The following THRAP3 variants were observed in gnomAD, a reference collection of about 807,000 sequenced individuals.
THRAP3 encodes thyroid hormone receptor-associated protein 3.
THRAP3 carries 16 observed loss-of-function variants against 101.0 expected under a neutral mutation model. The ratio of observed to expected loss-of-function variants is 0.16; its 90% CI spans 0.11 to 0.24. The LOEUF (loss-of-function observed/expected upper bound fraction) is 0.24. Ranked by LOEUF, THRAP3 falls within the 10% of genes least tolerant of loss-of-function variation. The pLI, the probability that THRAP3 is intolerant of heterozygous loss-of-function variation, is 1.00. For synonymous variants in THRAP3, 407 were observed against 422.6 expected, an observed-to-expected ratio of 0.96 and a Z score of 0.45; for missense variants, 989 against 1,202.7, an observed-to-expected ratio of 0.82 and a Z score of 2.63.
chr1:36,288,510 C>T (rs1645824861), intron 4 of THRAP3: 1 of 985,436 alleles, frequency 1.0e-6, no homozygotes, highest in Non-Finnish European at 1.2e-6. Context: ...TCACCCTCTC[C>T]CCCATTAACA....
intron 1 of THRAP3, among the ~76,000 whole-genome samples, chr1:36,251,404 T>C (rs1645298619): frequency 6.6e-6 from 1 of 152,108 alleles, no homozygotes; most frequent in African/African-American, 2.4e-5. Flanking sequence ...AAACCATTGG[T>C]CTAGGTAGAA....
Position 36,282,637 on chromosome 1 carries a change from G to C in THRAP3, c.74G>C (p.Arg25Pro). The change falls in exon 3 of 12, where the codon CGT becomes CCT. Residue 25 changes from arginine to proline, a missense_variant. Transcript: ENST00000354618. ...RSRSASRSRS[R>P]SFSKSRSRSR... is the part of the protein sequence containing the mutation. ...AGATCTGCATCAAGATCTCGTTCTC[G>C]TTCATTTTCGAAGTCTCGGTCCCGA... 1.2e-6 allele frequency: 2 copies of C among 1,614,106 alleles called. No homozygotes were observed. Among genetic ancestry groups the C allele is most frequent in the South Asian group, 1.1e-5 (1 of 91,070 alleles).
chr1:36,221,831 C>A (rs1469578233), upstream of THRAP3, among the ~76,000 whole-genome samples: 2 of 141,772 alleles, frequency 1.4e-5, no homozygotes, highest in African/African-American at 5.3e-5. Context: ...TTTTTTGAGA[C>A]GGAGTTTTGC....
intron 2 of THRAP3, among the ~76,000 whole-genome samples, chr1:36,261,124 G>A (rs753600746): frequency 3.9e-5 from 6 of 152,098 alleles, no homozygotes; most frequent in Non-Finnish European, 8.8e-5. Context: ...TGGGCTAAGC[G>A]CAGTAGCTCA....
chr1:36,222,744 T>C (rs1644911059), upstream of THRAP3, among the ~76,000 whole-genome samples: 1 of 152,218 alleles, frequency 6.6e-6, no homozygotes, highest in Non-Finnish European at 1.5e-5. Context: ...GCCAAAATTA[T>C]GTATTTTGGT....
At chr1:36,222,558 C>G (rs1411811294), upstream of THRAP3, among the ~76,000 whole-genome samples, 1 of 152,052 alleles carries the variant, frequency 6.6e-6, no homozygotes, top group African/African-American at 2.4e-5. Context: ...AGGTGCCCAC[C>G]ACCACGCCCG....
chr1:36,254,577 C>T (rs565375066), intron 1 of THRAP3, among the ~76,000 whole-genome samples: 4 of 152,294 alleles, frequency 2.6e-5, no homozygotes, highest in African/African-American at 9.6e-5. Flanking sequence ...CAGAGCAAAG[C>T]AGTGAGACCA....
At position 36,304,951 on chromosome 1, in the gene THRAP3, A is replaced by G. The variant is rs1201240868; in HGVS notation, c.*934A>G. On this transcript the variant is annotated 3_prime_UTR_variant, in exon 12 of 12. Coordinates refer to ENST00000354618, the MANE Select transcript of THRAP3 (RefSeq NM_005119.4). ...TATAAAATGAAAAGAAACTCCTATG[A>G]TCGATTAAGGAAGGTGGTTATGGCT... The G allele has an allele frequency of 2.9e-5, 6 of 208,940 alleles. No individual in the cohort carries two copies. Among genetic ancestry groups the G allele is most frequent in the African/African-American group, 1.4e-4 (6 of 43,840 alleles). 12.9% of individuals were successfully genotyped at this position (208,940 alleles called of 1,614,324 possible). A position where few individuals can be genotyped will look rare whatever the true frequency, so the allele number is the denominator to read the frequency against.
chr1:36,288,247 G>T, intron 4 of THRAP3: 1 of 758,744 alleles, frequency 1.3e-6, no homozygotes, highest in Non-Finnish European at 1.6e-6. Flanking sequence ...AGGTTTTGGT[G>T]CACCCATCAC....
In THRAP3 at chr1:36,304,315, G is replaced by C. The variant is rs551390208; in HGVS notation, c.*298G>C. 2 of 286,664 alleles carry C rather than the reference G, an allele frequency of 7.0e-6. No individual in the cohort carries two copies. The highest frequency in any genetic ancestry group is 5.3e-5 in the East Asian group (1 of 18,736). The allele number at this position is 286,664 out of a possible 1,614,324, so 17.8% of individuals were successfully genotyped here. ...GTGGGGGCAGGGGTAGGGCGGGAGA[G>C]CGATGCTTGGATTTTTGTTTCCTAT... On this transcript the variant is annotated 3_prime_UTR_variant, in exon 12 of 12. Coordinates refer to ENST00000354618, the MANE Select transcript of THRAP3 (RefSeq NM_005119.4).
intron 2 of THRAP3, among the ~76,000 whole-genome samples, chr1:36,271,153 ATATG>A (rs1306567022): frequency 3.3e-5 from 5 of 152,296 alleles, no homozygotes; most frequent in Admixed American, 6.5e-5. Flanking sequence ...GATATGTCTT[ATATG>A]TATGTCTGTA....
chr1:36,288,105 A>G, intron 4 of THRAP3: 2 of 984,756 alleles, frequency 2.0e-6, no homozygotes, highest in Non-Finnish European at 2.4e-6. Context: ...GGTACAGATG[A>G]GATGTTTTGA....
chr1:36,220,295 A>C (rs1186784510), upstream of THRAP3, among the ~76,000 whole-genome samples: 47 of 152,044 alleles, frequency 3.1e-4, no homozygotes, highest in Non-Finnish European at 1.2e-4. Flanking sequence ...GCCCAGCCCT[A>C]ATGTTGTTTT....
intron 9 of THRAP3, 26 bp downstream of exon 9, chr1:36,296,796 C>A: frequency 6.5e-7 from 1 of 1,531,694 alleles, no homozygotes; most frequent in South Asian, 1.3e-5. Flanking sequence ...TTACCCCTTC[C>A]AGACTCTTAA....
the THRAP3 span, among the ~76,000 whole-genome samples, chr1:36,214,464 C>T: frequency 3.3e-5 from 5 of 152,176 alleles, no homozygotes; most frequent in Admixed American, 6.6e-5. Context: ...ATTGTCTCGT[C>T]TCATCTGGAA....
At chr1:36,227,345 G>A (rs1202418814) in intron 1 of THRAP3, among the ~76,000 whole-genome samples, 1 of 151,434 alleles carries the variant, frequency 6.6e-6, no homozygotes, top group Non-Finnish European at 1.5e-5. Context: ...GTGCAGTGGC[G>A]CGATCTTGGC....
chr1:36,264,329 A>G (rs988236842), intron 2 of THRAP3, among the ~76,000 whole-genome samples: 5 of 152,224 alleles, frequency 3.3e-5, no homozygotes, highest in African/African-American at 9.6e-5. Flanking sequence ...GGCACTGTGT[A>G]TGTGCTTCCT....
the THRAP3 span, among the ~76,000 whole-genome samples, chr1:36,216,024 C>T: frequency 2.0e-5 from 3 of 151,814 alleles, no homozygotes; most frequent in Non-Finnish European, 4.4e-5. Context: ...GCTGGGATTA[C>T]AGGCATAAGC....
chr1:36,274,625 C>CTTTTTTTTT (rs573419051), intron 2 of THRAP3, among the ~76,000 whole-genome samples: 6 of 59,318 alleles, frequency 1.0e-4, no homozygotes, highest in African/African-American at 3.9e-4. Context: ...ATTAATTGGG[C>CTTTTTTTTT]TTTTTTTTTT....
Sources: gnomAD v4.1 joint callset for allele counts (sites outside exome capture counted in the v4.1 genomes callset) on GRCh38, gnomAD v4.1.1 for gene constraint, MANE v1.5 for transcripts, NCBI Gene and HGNC (gene_info 2026-07-23, HGNC 2026-07-21) for gene names.